DLST: variants seen among roughly 807,000 people sequenced by gnomAD.
DLST encodes the protein dihydrolipoyllysine-residue succinyltransferase component of 2-oxoglutarate dehydrogenase complex, mitochondrial.
A neutral mutation model predicts 53.1 loss-of-function variants in DLST; 17 were observed. The observed-to-expected ratio is 0.32, with a 90% CI of 0.22 to 0.48. DLST has a LOEUF of 0.48. Among genes scored for constraint, DLST ranks in the 20% least tolerant of loss-of-function variants. The pLI is 0.99. For missense variants in DLST, 512 were observed against 583.9 expected (o/e 0.88, Z 1.27); for synonymous variants, 206 against 204.8 (o/e 1.01, Z -0.05).
intron 2 of DLST, among the ~76,000 whole-genome samples, chr14:74,885,333 C>A (rs976371324): frequency 5.9e-5 from 9 of 152,156 alleles, no homozygotes; most frequent in Admixed American, 1.3e-4. Context: ...TCACTTTGGG[C>A]TGTGCCATCA....
rs371526031 is a variant in DLST, at chr14:74,898,481, C to G, written c.883C>G (p.Gln295Glu). ...GGCCTCAGCCTTTGCCTTGCAGGAA[C>G]AGCCTGTTGTAAATGCAGGTGAGTT... ...VKASAFALQE[Q>E]PVVNAVIDDT... The change falls in exon 11 of 15, where the codon CAG becomes GAG. Residue 295 changes from glutamine (Q) to glutamate (E), a missense_variant. Transcript: ENST00000334220. 6.8e-6 allele frequency: 11 copies of G among 1,614,156 alleles called. No homozygotes were observed. Among genetic ancestry groups the G allele is most frequent in the African/African-American group, 1.3e-5 (1 of 75,044 alleles).
chr14:74,888,943 G>T, intron 3 of DLST, 152 bp from the exon 4 acceptor site: 1 of 737,830 alleles, frequency 1.4e-6, no homozygotes, highest in Non-Finnish European at 2.3e-6. Context: ...CTAGACAAGT[G>T]AACTTTGAAA....
intron 14 of DLST, 58 bp from the exon 15 acceptor site, chr14:74,902,135 CCTT>C (rs1884270330): frequency 6.8e-7 from 1 of 1,466,106 alleles, no homozygotes; most frequent in African/African-American, 1.4e-5. Flanking sequence ...TGCTAAATCT[CCTT>C]CAGCGAGGCT....
chr14:74,894,876 CG>C (rs1054289880), intron 10 of DLST, among the ~76,000 whole-genome samples: 2 of 152,046 alleles, frequency 1.3e-5, no homozygotes, highest in African/African-American at 2.4e-5. Flanking sequence ...CAGAGTGAGC[CG>C]CTGGCTTCTT....
chr14:74,896,443 AG>A (rs1195680339), intron 10 of DLST, among the ~76,000 whole-genome samples: 1 of 152,162 alleles, frequency 6.6e-6, no homozygotes, highest in Non-Finnish European at 1.5e-5. Context: ...TTTTGTCCTG[AG>A]GGTTTAGTCT....
chr14:74,886,805 G>A lies in DLST; in HGVS notation c.146+1171G>A, dbSNP rs557342264. Among the ~76,000 whole-genome samples the A allele has an allele frequency of 7.2e-5, 11 of 151,944 alleles. No individual in the cohort carries two copies. In the East Asian group the frequency reaches 1.7e-3, roughly 24 times the overall value. ...CACCCAGGCTGGAGTGCAGTGGCGC[G>A]ATCTCGGCTCACTGCAGCCTCTGCC... On this transcript the variant is annotated intron_variant, in intron 3 of 14. Transcript: ENST00000334220.
chr14:74,894,347 G>C lies in DLST; in HGVS notation c.708G>C (p.Gln236His). The C allele has an allele frequency of 2.5e-6, 4 of 1,614,170 alleles. No individual in the cohort carries two copies. Among genetic ancestry groups the C allele is most frequent in the Non-Finnish European group, 3.4e-6 (4 of 1,180,030 alleles). Residue 236 changes from glutamine to histidine, a missense_variant, in exon 10 of 15, where the codon CAG (glutamine) becomes CAC (histidine). Transcript: ENST00000334220. ...ACAGGATGCGGCAGCGCATTGCTCAGCGTCTGAAGGAGGCCCAGAATACAT... is the reference window on the plus strand; with the variant it reads ...ACAGGATGCGGCAGCGCATTGCTCACCGTCTGAAGGAGGCCCAGAATACAT... ...KMNRMRQRIAQRLKEAQNTCA... is the reference protein window; with the variant it reads ...KMNRMRQRIAHRLKEAQNTCA...
At chr14:74,901,430 A>AG (rs1214297056) in intron 14 of DLST, among the ~76,000 whole-genome samples, 197 bp downstream of exon 14, 1 of 152,248 alleles carries the variant, frequency 6.6e-6, no homozygotes, top group Non-Finnish European at 1.5e-5. Flanking sequence ...GCATATTCTT[A>AG]GACCCCATCC....
chr14:74,902,190 C>T lies in DLST; in HGVS notation c.1228-6C>T. On this transcript the variant is annotated splice_polypyrimidine_tract_variant and splice_region_variant and intron_variant, in intron 14 of 14. Coordinates refer to ENST00000334220, the MANE Select transcript of DLST (RefSeq NM_001933.5). The stretch of plus-strand genomic sequence containing the variant: ...AGACAAACCTATTTACCTTTCCTCT[C>T]TGTAGGTAGAGGTGCGGCCCATGAT... The T allele has an allele frequency of 6.4e-7, 1 of 1,571,124 alleles. No homozygotes were observed. The highest frequency in any genetic ancestry group is 1.2e-5 in the South Asian group (1 of 86,198).
intron 3 of DLST, among the ~76,000 whole-genome samples, chr14:74,886,340 G>A (rs1264733266): frequency 6.6e-6 from 1 of 152,166 alleles, no homozygotes; most frequent in Non-Finnish European, 1.5e-5. Flanking sequence ...TGTTGTTGTT[G>A]TTTTGAGACA....
intron 10 of DLST, 61 bp downstream of exon 10, chr14:74,894,470 C>G: frequency 6.5e-7 from 1 of 1,545,540 alleles, no homozygotes; most frequent in Non-Finnish European, 8.9e-7. Context: ...ACGAACTTGC[C>G]CCACTCCTTA....
intron 1 of DLST, among the ~76,000 whole-genome samples, chr14:74,882,303 C>G (rs1883549298): frequency 6.6e-6 from 1 of 152,164 alleles, no homozygotes. Flanking sequence ...ATACTTGACT[C>G]AGAGTTAGGG....
At chr14:74,900,145 C>T (rs564141099) in intron 12 of DLST, 144 bp from the exon 13 acceptor site, 111 of 1,077,434 alleles carry the variant, frequency 1.0e-4, no homozygotes, top group African/African-American at 1.0e-3. Flanking sequence ...TAAACCATGC[C>T]GCATTCTTTT....
At chr14:74,884,034 C>A (rs1352780421) in intron 2 of DLST, among the ~76,000 whole-genome samples, 1 of 152,128 alleles carries the variant, frequency 6.6e-6, no homozygotes, top group Admixed American at 6.5e-5. Context: ...ATGATGTAGA[C>A]CAGCTTGGGA....
intron 7 of DLST, chr14:74,891,698 T>TTA: frequency 1.0e-6 from 1 of 984,784 alleles, no homozygotes; most frequent in Non-Finnish European, 1.2e-6. Context: ...GATTAATAAC[T>TTA]TTATCTGACT....
In DLST at chr14:74,891,151, A is replaced by G; in HGVS notation, c.426A>G (p.Thr142=). ...TCGAAGGAGGCACTCCACTTTTCACACTCAGGAAAACTGGTGGTAAAGAAG... is the reference window on the plus strand; with the variant it reads ...TCGAAGGAGGCACTCCACTTTTCACGCTCAGGAAAACTGGTGGTAAAGAAG... The part of the protein sequence containing the change: ...GKVEGGTPLF[T]LRKTGAAPAK... Residue 142 remains threonine (T), a synonymous_variant, in exon 7 of 15, where the codon ACA becomes ACG. Transcript: ENST00000334220. 1.2e-6 allele frequency: 2 copies of G among 1,614,140 alleles called. No homozygotes were observed. The highest frequency in any genetic ancestry group is 1.7e-6 in the Non-Finnish European group (2 of 1,179,996).
intron 2 of DLST, among the ~76,000 whole-genome samples, chr14:74,883,056 A>G (rs1883584040): frequency 6.6e-6 from 1 of 152,224 alleles, no homozygotes; most frequent in African/African-American, 2.4e-5. Flanking sequence ...GCACTCTGGG[A>G]GGCTGAGGCG....
intron 2 of DLST, 66 bp downstream of exon 2, chr14:74,882,690 C>A: frequency 6.9e-7 from 1 of 1,453,732 alleles, no homozygotes; most frequent in Non-Finnish European, 9.6e-7. Context: ...GTGAGGAACT[C>A]GGGGGTGCCT....
Position 74,893,431 on chromosome 14 carries a change from C to T in DLST, c.672+7C>T. ...TCTGCGTTCAGAACATCGGGTAAGC[C>T]TCTGAGGACCACTTTCAGGAAAGAG... On this transcript the variant is annotated splice_region_variant and intron_variant, in intron 9 of 14. Coordinates refer to ENST00000334220, the MANE Select transcript of DLST (RefSeq NM_001933.5). The T allele has an allele frequency of 6.2e-7, 1 of 1,614,190 alleles. No homozygotes were observed. The highest frequency in any genetic ancestry group is 8.5e-7 in the Non-Finnish European group (1 of 1,180,026).
Sources: allele counts gnomAD v4.1 joint callset (sites outside exome capture counted in the v4.1 genomes callset), GRCh38; gene constraint gnomAD v4.1.1; transcripts MANE v1.5; gene names NCBI Gene and HGNC (gene_info 2026-07-23, HGNC 2026-07-21).